Variants in CTNNA3 observed in about 807,000 individuals in gnomAD.
CTNNA3 encodes catenin alpha 3, also known as catenin alpha-3.
In CTNNA3, 76 loss-of-function variants were observed where a neutral mutation model predicts 95.7. The ratio of observed to expected loss-of-function variants is 0.79; its 90% CI spans 0.66 to 0.96. CTNNA3 has a LOEUF of 0.96. CTNNA3 is among the 40% of genes least tolerant of loss of function. CTNNA3 has a pLI of 0.00. For synonymous variants in CTNNA3, 431 were observed against 374.4 expected (o/e 1.15, Z -1.74); for missense variants, 1,191 against 1,089.8 (o/e 1.09, Z -1.31).
intron 7 of CTNNA3, among the ~76,000 whole-genome samples, chr10:67,101,237 C>A (rs1858319963): frequency 6.6e-6 from 1 of 151,662 alleles, no homozygotes; most frequent in African/African-American, 2.4e-5. Flanking sequence ...AAGGAAAAAA[C>A]CAAAGACCTT....
intron 13 of CTNNA3, among the ~76,000 whole-genome samples, chr10:66,205,462 G>A (rs2087699288): frequency 6.6e-6 from 1 of 151,870 alleles, no homozygotes; most frequent in African/African-American, 2.4e-5. Flanking sequence ...AGCAGATTAT[G>A]GAAGAGAATA....
At chr10:66,361,636 C>G (rs1015705247) in intron 12 of CTNNA3, among the ~76,000 whole-genome samples, 6 of 151,626 alleles carry the variant, frequency 4.0e-5, no homozygotes, top group South Asian at 2.1e-4. Flanking sequence ...CTCCTGGGCT[C>G]AAGGGATCTT....
intron 11 of CTNNA3, among the ~76,000 whole-genome samples, chr10:66,402,319 T>C (rs2093027448): frequency 1.3e-5 from 2 of 152,174 alleles, no homozygotes; most frequent in Admixed American, 1.3e-4. Flanking sequence ...TCTTTACCTG[T>C]ATATTTCCCT....
At chr10:65,952,234 T>C (rs770389239) in intron 17 of CTNNA3, among the ~76,000 whole-genome samples, 1 of 152,114 alleles carries the variant, frequency 6.6e-6, no homozygotes, top group Non-Finnish European at 1.5e-5. Flanking sequence ...TCCACTTTAT[T>C]ACAATGCAAT....
At chr10:66,790,428 G>C (rs1250671329) in intron 7 of CTNNA3, among the ~76,000 whole-genome samples, 1 of 152,130 alleles carries the variant, frequency 6.6e-6, no homozygotes, top group Non-Finnish European at 1.5e-5. Context: ...CTGCACTCCA[G>C]TCTGGGCGAC....
At chr10:66,684,344 A>C (rs1419723315) in intron 9 of CTNNA3, among the ~76,000 whole-genome samples, 2 of 152,194 alleles carry the variant, frequency 1.3e-5, no homozygotes, top group African/African-American at 4.8e-5. Flanking sequence ...ACACGTGCTA[A>C]ACTAAAATCA....
rs529656418 is a variant in CTNNA3 at position 66,393,896 on chromosome 10, T to C, written c.1532-14544A>G. ...TCATAACTCAAAATCAAGGTTTATC[T>C]AACCTGCTAAGTTTCTATAAAAAAT... On this transcript the variant is annotated intron_variant, in intron 11 of 17. Coordinates refer to ENST00000433211, the MANE Select transcript of CTNNA3 (RefSeq NM_013266.4). Among the ~76,000 whole-genome samples, 11 of 152,152 alleles carry C rather than the reference T, an allele frequency of 7.2e-5. No homozygotes were observed. The South Asian group carries it at 2.3e-3, about 32-fold the overall frequency.
intron 16 of CTNNA3, among the ~76,000 whole-genome samples, chr10:65,970,932 C>A (rs1786868256): frequency 6.6e-6 from 1 of 150,740 alleles, no homozygotes; most frequent in South Asian, 2.1e-4. Context: ...TGTTGAGGAA[C>A]TTCAACAACT....
intron 1 of CTNNA3, among the ~76,000 whole-genome samples, chr10:67,680,060 T>C (rs1011016967): frequency 9.2e-5 from 14 of 152,180 alleles, no homozygotes; most frequent in Admixed American, 1.3e-4. Context: ...TTAAAAAATA[T>C]ATAGAATCTA....
chr10:66,876,185 T>G (rs1385708955), intron 7 of CTNNA3, among the ~76,000 whole-genome samples: 1 of 152,152 alleles, frequency 6.6e-6, no homozygotes, highest in African/African-American at 2.4e-5. Context: ...TAGGGTAGCT[T>G]CACTAAGCAT....
At chr10:66,032,217 A>G (rs1005056350) in intron 15 of CTNNA3, among the ~76,000 whole-genome samples, 20 of 152,154 alleles carry the variant, frequency 1.3e-4, no homozygotes, top group Non-Finnish European at 2.5e-4. Flanking sequence ...TTTTAAAAAA[A>G]TTATTTGAAA....
At chr10:67,190,472 A>G (rs1863070731) in intron 6 of CTNNA3, among the ~76,000 whole-genome samples, 1 of 151,980 alleles carries the variant, frequency 6.6e-6, no homozygotes, top group South Asian at 2.1e-4. Flanking sequence ...CTGGGGTAGT[A>G]AAGTTTTAAT....
At position 67,205,377 on chromosome 10, in the gene CTNNA3, A is replaced by C. The variant is rs79371304; in HGVS notation, c.843+14230T>G. 6.5e-3 allele frequency among the ~76,000 whole-genome samples: 992 copies of C among 152,296 alleles called. 10 individuals are homozygous for C. Among genetic ancestry groups the C allele is most frequent in the African/African-American group, 0.023 (944 of 41,566 alleles). ...CTGTATGAAGGTTTTCTGGCAGATA[A>C]GGGGCCTCTTACTAGTAAATAATTT... On this transcript the variant is annotated intron_variant, in intron 6 of 17. Coordinates refer to ENST00000433211, the MANE Select transcript of CTNNA3 (RefSeq NM_013266.4).
chr10:67,002,631 T>C (rs977086631), intron 7 of CTNNA3, among the ~76,000 whole-genome samples: 3 of 152,148 alleles, frequency 2.0e-5, no homozygotes, highest in Non-Finnish European at 4.4e-5. Context: ...ATGGCTCTAA[T>C]GGCTAGCTGG....
intron 9 of CTNNA3, among the ~76,000 whole-genome samples, chr10:66,739,386 C>T (rs1849252431): frequency 6.6e-6 from 1 of 152,148 alleles, no homozygotes; most frequent in Admixed American, 6.5e-5. Flanking sequence ...ATTTCAGAAT[C>T]CCTAACTTAC....
chr10:67,732,074 C>T (rs908892966), intron 1 of CTNNA3, among the ~76,000 whole-genome samples: 4 of 151,428 alleles, frequency 2.6e-5, no homozygotes, highest in African/African-American at 9.7e-5. Context: ...GCCATCATGC[C>T]TGGCCCATCT....
At chr10:66,296,941 C>T (rs1240334913) in intron 12 of CTNNA3, among the ~76,000 whole-genome samples, 1 of 152,158 alleles carries the variant, frequency 6.6e-6, no homozygotes, top group African/African-American at 2.4e-5. Context: ...TTTTGCCCCA[C>T]TGAAAATCCA....
At chr10:66,029,740 T>C (rs986826921) in intron 15 of CTNNA3, among the ~76,000 whole-genome samples, 1 of 152,190 alleles carries the variant, frequency 6.6e-6, no homozygotes, top group Non-Finnish European at 1.5e-5. Flanking sequence ...CATTATTTTA[T>C]TCCATGAGCT....
chr10:66,031,247 T>C (rs540531458), intron 15 of CTNNA3, among the ~76,000 whole-genome samples: 1 of 152,316 alleles, frequency 6.6e-6, no homozygotes. Flanking sequence ...AAAAGACATG[T>C]GCACTCATAT....
Sources: allele counts gnomAD v4.1 joint callset (sites outside exome capture counted in the v4.1 genomes callset), GRCh38; gene constraint gnomAD v4.1.1; transcripts MANE v1.5; gene names NCBI Gene and HGNC (gene_info 2026-07-23, HGNC 2026-07-21).